MYO5B: variants seen among roughly 807,000 people sequenced by gnomAD.
MYO5B encodes the protein myosin VB, also known as unconventional myosin-Vb.
Under a neutral mutation model 229.3 loss-of-function variants are expected in MYO5B, and 143 were observed. That is an observed-to-expected ratio of 0.62 (90% CI 0.54 to 0.72). MYO5B has a LOEUF of 0.72. Among genes scored for constraint, MYO5B ranks in the 30% least tolerant of loss-of-function variants. MYO5B has a pLI of 0.00. For missense variants in MYO5B, 2,321 were observed against 2,331.0 expected (o/e 1.00, Z 0.09); for synonymous variants, 918 against 885.2 (o/e 1.04, Z -0.66).
intron 1 of MYO5B, among the ~76,000 whole-genome samples, chr18:50,061,081 C>G (rs527687493): frequency 6.6e-6 from 1 of 152,304 alleles, no homozygotes; most frequent in Non-Finnish European, 1.5e-5. Flanking sequence ...CAAAGAGCCC[C>G]AGCTAAAATG....
chr18:49,847,009 C>G, intron 33 of MYO5B, 137 bp downstream of exon 33: 2 of 1,086,308 alleles, frequency 1.8e-6, no homozygotes, highest in South Asian at 2.8e-5. Context: ...GGGGCAGGTG[C>G]AAGGGCAAGT....
chr18:50,042,025 C>A (rs1054902590), intron 2 of MYO5B, among the ~76,000 whole-genome samples: 1 of 152,076 alleles, frequency 6.6e-6, no homozygotes, highest in Non-Finnish European at 1.5e-5. Flanking sequence ...CAAAGAGATT[C>A]AAGTAAAAGA....
At chr18:49,830,811 T>TA (rs1404064970) in intron 39 of MYO5B, among the ~76,000 whole-genome samples, 17 of 120,884 alleles carry the variant, frequency 1.4e-4, no homozygotes, top group Non-Finnish European at 2.4e-4. Context: ...CCATGGGTGA[T>TA]AGAGTGAGAC....
chr18:50,166,354 G>A (rs1256053013), intron 1 of MYO5B, among the ~76,000 whole-genome samples: 1 of 152,128 alleles, frequency 6.6e-6, no homozygotes, highest in Non-Finnish European at 1.5e-5. Context: ...TTATTTTTGG[G>A]TATGGCCATG....
At chr18:49,906,775 T>C in intron 18 of MYO5B, 145 bp from the exon 19 acceptor site, 2 of 750,018 alleles carry the variant, frequency 2.7e-6, no homozygotes, top group Non-Finnish European at 2.2e-6. Flanking sequence ...GTCTCAGCAT[T>C]TGCTTAACAG....
chr18:50,175,194 G>C (rs1307857293), intron 1 of MYO5B, among the ~76,000 whole-genome samples: 2 of 152,224 alleles, frequency 1.3e-5, no homozygotes, highest in Admixed American at 6.5e-5. Flanking sequence ...GTATCAGCCT[G>C]CCAGGTGGCA....
At position 50,159,023 on chromosome 18, in the gene MYO5B, T is replaced by C. The variant is rs1209915211; in HGVS notation, c.27+35744A>G. 2.0e-5 allele frequency among the ~76,000 whole-genome samples: 3 copies of C among 152,302 alleles called. 1 individual carries two copies. Among genetic ancestry groups the C allele is most frequent in the Admixed American group, 2.0e-4 (3 of 15,294 alleles). ...AAGCCCTGCAAATTCTACAGCTCCT[T>C]TCATGCATGAAGACTAACAACCATG... On this transcript the variant is annotated intron_variant, in intron 1 of 39. Coordinates refer to ENST00000285039, the MANE Select transcript of MYO5B (RefSeq NM_001080467.3).
At chr18:49,964,473 T>C (rs931450735) in intron 10 of MYO5B, among the ~76,000 whole-genome samples, 3 of 152,228 alleles carry the variant, frequency 2.0e-5, no homozygotes, top group African/African-American at 7.2e-5. Context: ...TTTCATCACC[T>C]GGAAAATTTC....
intron 1 of MYO5B, among the ~76,000 whole-genome samples, chr18:50,146,198 C>T (rs1422738077): frequency 6.6e-6 from 1 of 152,202 alleles, no homozygotes; most frequent in Non-Finnish European, 1.5e-5. Context: ...AATATTTATG[C>T]CAGACACAAT....
At chr18:49,874,094 C>G (rs182702087) in intron 26 of MYO5B, among the ~76,000 whole-genome samples, 729 of 152,312 alleles carry the variant, frequency 4.8e-3, no homozygotes, top group Non-Finnish European at 7.4e-3. Flanking sequence ...ATACCCTCTC[C>G]CAACCCACAC....
At chr18:50,122,527 C>T (rs2032077525) in intron 1 of MYO5B, among the ~76,000 whole-genome samples, 1 of 139,826 alleles carries the variant, frequency 7.2e-6, no homozygotes, top group South Asian at 2.5e-4. Context: ...AGGAGAATCC[C>T]TTAAACCTGG....
intron 8 of MYO5B, among the ~76,000 whole-genome samples, chr18:49,982,102 G>T (rs1289549826): frequency 6.6e-6 from 1 of 152,160 alleles, no homozygotes; most frequent in Non-Finnish European, 1.5e-5. Flanking sequence ...TTTTGAGAGA[G>T]GGTCTTGCTC....
intron 1 of MYO5B, among the ~76,000 whole-genome samples, chr18:50,116,645 C>G (rs1023928626): frequency 6.6e-5 from 10 of 151,954 alleles, no homozygotes; most frequent in Non-Finnish European, 1.3e-4. Flanking sequence ...TGGCTTAACC[C>G]TTGCTCTGGT....
chr18:50,097,249 T>C lies in MYO5B; in HGVS notation c.28-41871A>G, dbSNP rs1045722487. 7.4e-5 allele frequency: 34 copies of C among 456,728 alleles called. No homozygotes were observed. The Admixed American group carries it at 7.5e-4, about 10-fold the overall frequency. 28.3% of individuals were successfully genotyped at this position (456,728 alleles called of 1,614,324 possible). A position where few individuals can be genotyped will look rare whatever the true frequency, so the allele number is the denominator to read the frequency against. ...ATCCCTAGAATTGATCTCACCTCTCTTGTGACAGGCCAGTGCATGCTGGCT... is the reference window on the plus strand; with the variant it reads ...ATCCCTAGAATTGATCTCACCTCTCCTGTGACAGGCCAGTGCATGCTGGCT... On this transcript the variant is annotated intron_variant, in intron 1 of 39. Transcript: ENST00000285039.
chr18:49,874,650 C>G (rs2024495545), intron 26 of MYO5B, among the ~76,000 whole-genome samples: 1 of 152,152 alleles, frequency 6.6e-6, no homozygotes, highest in African/African-American at 2.4e-5. Context: ...TGACTGGACA[C>G]AGAAGTGAGG....
chr18:49,923,098 G>A (rs199941565), intron 17 of MYO5B, among the ~76,000 whole-genome samples: 22 of 152,244 alleles, frequency 1.4e-4, no homozygotes, highest in East Asian at 1.2e-3. Flanking sequence ...GGCAGTGAGC[G>A]GCCAGAAAAG....
At chr18:49,870,156 A>G (rs962497082) in intron 27 of MYO5B, among the ~76,000 whole-genome samples, 1 of 152,150 alleles carries the variant, frequency 6.6e-6, no homozygotes, top group Non-Finnish European at 1.5e-5. Context: ...CCAGAAGGAG[A>G]TCTCTATGAC....
intron 1 of MYO5B, among the ~76,000 whole-genome samples, chr18:50,076,928 C>CA (rs35236740): frequency 0.024 from 3,597 of 148,710 alleles, 49 homozygotes; most frequent in South Asian, 0.042. Context: ...ACTGATGTTG[C>CA]AAAAAAAAAA....
chr18:50,000,671 A>G (rs1031103267), intron 5 of MYO5B, among the ~76,000 whole-genome samples: 1 of 152,176 alleles, frequency 6.6e-6, no homozygotes, highest in African/African-American at 2.4e-5. Context: ...TCCAGCCCCT[A>G]TCATGAAGGC....
Sources: gnomAD v4.1 joint callset for allele counts (sites outside exome capture counted in the v4.1 genomes callset) on GRCh38, gnomAD v4.1.1 for gene constraint, MANE v1.5 for transcripts, NCBI Gene and HGNC (gene_info 2026-07-23, HGNC 2026-07-21) for gene names.